The following CSMD1 variants were observed in gnomAD, a reference collection of about 807,000 sequenced individuals.
The protein encoded by CSMD1 is CUB and sushi domain-containing protein 1.
CSMD1 carries 213 observed loss-of-function variants against 417.5 expected under a neutral mutation model. That is an observed-to-expected ratio of 0.51 (90% confidence interval 0.46 to 0.57). CSMD1 has a LOEUF of 0.57. Ranked by LOEUF, CSMD1 falls within the 20% of genes least tolerant of loss-of-function variation. The pLI, the probability that CSMD1 is intolerant of heterozygous loss-of-function variation, is 0.00. For missense variants in CSMD1, 6,923 were observed against 4,529.7 expected (o/e 1.53, Z -15.17); for synonymous variants, 2,862 against 1,736.8 (o/e 1.65, Z -16.11).
At chr8:3,953,461 A>G (rs931653440) in intron 5 of CSMD1, among the ~76,000 whole-genome samples, 1 of 152,192 alleles carries the variant, frequency 6.6e-6, no homozygotes, top group African/African-American at 2.4e-5. Flanking sequence ...AAGAGACCAT[A>G]AACACACACA....
At chr8:4,415,864 A>G (rs941649818) in intron 3 of CSMD1, among the ~76,000 whole-genome samples, 1 of 152,224 alleles carries the variant, frequency 6.6e-6, no homozygotes, top group African/African-American at 2.4e-5. Flanking sequence ...CGTAATATAT[A>G]CAAGAGGAAA....
intron 21 of CSMD1, among the ~76,000 whole-genome samples, chr8:3,349,034 G>T (rs1280651971): frequency 6.6e-6 from 1 of 152,184 alleles, no homozygotes; most frequent in Non-Finnish European, 1.5e-5. Flanking sequence ...AGCTCCACAG[G>T]AGTCTGCGCC....
chr8:4,392,443 C>G (rs1266045333), intron 3 of CSMD1, among the ~76,000 whole-genome samples: 1 of 151,962 alleles, frequency 6.6e-6, no homozygotes, highest in Non-Finnish European at 1.5e-5. Context: ...AGAACGTAAA[C>G]TTTTAAAAGA....
chr8:4,181,534 A>C lies in CSMD1; in HGVS notation c.416-149435T>G, dbSNP rs58246329. 2.0e-5 allele frequency among the ~76,000 whole-genome samples: 3 copies of C among 152,280 alleles called. No homozygotes were observed. The East Asian group carries it at 5.8e-4, about 29-fold the overall frequency. ...CCAGAAAACCTTACAATATTTTAAGAAAGTTTATGAATTTGTGTTTGGCCA... is the reference window on the plus strand; with the variant it reads ...CCAGAAAACCTTACAATATTTTAAGCAAGTTTATGAATTTGTGTTTGGCCA... On this transcript the variant is annotated intron_variant, in intron 3 of 69. Transcript: ENST00000635120.
At position 3,914,604 on chromosome 8, in the gene CSMD1, C is replaced by G. The variant is rs191540443; in HGVS notation, c.818+83299G>C. Among the ~76,000 whole-genome samples, 81 of 152,232 alleles carry G rather than the reference C, an allele frequency of 5.3e-4. No homozygotes were observed. The Middle Eastern group carries it at 0.01, about 19-fold the overall frequency. On this transcript the variant is annotated intron_variant, in intron 5 of 69. Coordinates refer to ENST00000635120, the MANE Select transcript of CSMD1 (RefSeq NM_033225.6). ...AATAAAATAAATTAAGAAAATAGTA[C>G]CAGCTAGCATTAAATGAAACTCTTT...
At chr8:3,238,723 A>C (rs57019710) in intron 26 of CSMD1, among the ~76,000 whole-genome samples, 12,908 of 152,252 alleles carry the variant, frequency 0.085, 763 homozygotes, top group East Asian at 0.27. Context: ...TTAAGGGACT[A>C]AGAATTGGGA....
intron 3 of CSMD1, among the ~76,000 whole-genome samples, chr8:4,306,754 G>A (rs117988211): frequency 0.013 from 1,927 of 152,182 alleles, 26 homozygotes; most frequent in South Asian, 0.046. Context: ...CAGCAGGGTA[G>A]TGTTCTGGTG....
intron 54 of CSMD1, among the ~76,000 whole-genome samples, chr8:2,985,682 A>C (rs148181048): frequency 9.5e-4 from 144 of 152,350 alleles, no homozygotes; most frequent in African/African-American, 3.2e-3. Flanking sequence ...CATACAAGGA[A>C]GAAAGTCATA....
Position 4,036,638 on chromosome 8 carries a change from A to T in CSMD1, c.416-4539T>A, listed in dbSNP as rs574891744. ...TTAGAAGCAGCGGATGTCAAAGAAAAAACTAGACATCAATGGAGAGCATGC... is the reference window on the plus strand; with the variant it reads ...TTAGAAGCAGCGGATGTCAAAGAAATAACTAGACATCAATGGAGAGCATGC... On this transcript the variant is annotated intron_variant, in intron 3 of 69. Coordinates refer to ENST00000635120, the MANE Select transcript of CSMD1 (RefSeq NM_033225.6). Among the ~76,000 whole-genome samples, 12 of 152,328 alleles carry T rather than the reference A, an allele frequency of 7.9e-5. No individual in the cohort carries two copies. In the South Asian group the frequency reaches 2.5e-3, roughly 32 times the overall value.
intron 7 of CSMD1, among the ~76,000 whole-genome samples, chr8:3,648,576 C>T (rs1444546597): frequency 1.3e-5 from 2 of 152,096 alleles, no homozygotes; most frequent in Non-Finnish European, 2.9e-5. Flanking sequence ...TGTTTTGGAA[C>T]TTTGTTTTGA....
intron 1 of CSMD1, among the ~76,000 whole-genome samples, chr8:4,682,113 G>A (rs549144802): frequency 6.6e-6 from 1 of 152,162 alleles, no homozygotes; most frequent in South Asian, 2.1e-4. Context: ...CCGCCTCCTG[G>A]GCTCAAGCAA....
At chr8:3,351,398 G>C (rs992031695) in intron 21 of CSMD1, among the ~76,000 whole-genome samples, 4 of 152,008 alleles carry the variant, frequency 2.6e-5, no homozygotes, top group Middle Eastern at 3.4e-3. Context: ...ATCACCTGAG[G>C]TCAGGAGTTG....
chr8:3,732,359 C>G (rs1008606100), intron 6 of CSMD1, among the ~76,000 whole-genome samples: 2 of 151,816 alleles, frequency 1.3e-5, no homozygotes, highest in Admixed American at 6.6e-5. Flanking sequence ...CCATAGTAAA[C>G]CAATGAAATT....
intron 2 of CSMD1, among the ~76,000 whole-genome samples, chr8:4,566,627 T>A (rs1424664513): frequency 6.9e-5 from 8 of 116,060 alleles, no homozygotes; most frequent in Non-Finnish European, 1.3e-4. Context: ...CACTCCAGCC[T>A]GGGTGACAGA....
chr8:4,846,168 T>C (rs902913686), intron 1 of CSMD1, among the ~76,000 whole-genome samples: 7 of 152,208 alleles, frequency 4.6e-5, no homozygotes, highest in Admixed American at 4.6e-4. Flanking sequence ...GTATGAAAAC[T>C]AGCACATGCA....
At chr8:4,626,563 G>C (rs1408624915) in intron 2 of CSMD1, among the ~76,000 whole-genome samples, 1 of 152,058 alleles carries the variant, frequency 6.6e-6, no homozygotes, top group Non-Finnish European at 1.5e-5. Flanking sequence ...ATCAACAAGA[G>C]CTAGACTCAG....
chr8:4,604,963 T>C (rs1563327432), intron 2 of CSMD1, among the ~76,000 whole-genome samples: 1 of 152,182 alleles, frequency 6.6e-6, no homozygotes, highest in Non-Finnish European at 1.5e-5. Flanking sequence ...TTCTTGTGGG[T>C]CTATGCCAGA....
intron 1 of CSMD1, among the ~76,000 whole-genome samples, chr8:4,916,707 G>A (rs962588124): frequency 6.6e-6 from 1 of 152,130 alleles, no homozygotes; most frequent in Non-Finnish European, 1.5e-5. Flanking sequence ...GAATTGTAAG[G>A]CACCATAACT....
At chr8:4,749,875 C>T (rs1301662802) in intron 1 of CSMD1, among the ~76,000 whole-genome samples, 2 of 151,984 alleles carry the variant, frequency 1.3e-5, no homozygotes, top group Non-Finnish European at 2.9e-5. Flanking sequence ...AAGAGAAATG[C>T]AACTTCAAAA....
Sources: allele counts gnomAD v4.1 joint callset (sites outside exome capture counted in the v4.1 genomes callset), GRCh38; gene constraint gnomAD v4.1.1; transcripts MANE v1.5; gene names NCBI Gene and HGNC (gene_info 2026-07-23, HGNC 2026-07-21).